Variants in CDKL5 observed in about 807,000 individuals in gnomAD.
The protein encoded by CDKL5 is cyclin-dependent kinase-like 5.
A neutral mutation model predicts 61.7 loss-of-function variants in CDKL5; 8 were observed. The observed-to-expected ratio is 0.13, with a 90% CI of 0.08 to 0.23. The LOEUF is 0.23. CDKL5 is among the 10% of genes least tolerant of loss of function. The pLI, the probability that CDKL5 is intolerant of heterozygous loss-of-function variation, is 1.00. For missense variants in CDKL5, 440 were observed against 734.5 expected, an observed-to-expected ratio of 0.60 and a Z score of 4.63; for synonymous variants, 275 against 272.3, an observed-to-expected ratio of 1.01 and a Z score of -0.10.
intron 1 of CDKL5, among the ~76,000 whole-genome samples, chrX:18,497,653 C>T (rs944258612): frequency 2.7e-5 from 3 of 111,288 alleles, no homozygotes; most frequent in Admixed American, 9.6e-5. Flanking sequence ...AATATAACAA[C>T]GTAGAAATAC....
At chrX:18,608,326 A>G (rs1339662009) in intron 12 of CDKL5, among the ~76,000 whole-genome samples, 2 of 112,135 alleles carry the variant, frequency 1.8e-5, no homozygotes, top group Non-Finnish European at 3.8e-5. Context: ...TATTAAAAGG[A>G]CTTACTCTAT....
At chrX:18,431,760 A>G (rs1298374484) in intron 1 of CDKL5, among the ~76,000 whole-genome samples, 1 of 110,338 alleles carries the variant, frequency 9.1e-6, no homozygotes. Flanking sequence ...CATAAAACTC[A>G]CCTTTTTAGT....
chrX:18,625,165 A>T lies in CDKL5; in HGVS notation c.2414A>T (p.Gln805Leu). Residue 805 changes from glutamine to leucine, a missense_variant, in exon 17 of 18, where the codon CAG (glutamine) becomes CTG (leucine). This residue lies in a region of CDKL5 where 363 missense variants were observed against 516.3 expected (regional missense o/e 0.70). Coordinates refer to ENST00000623535, the MANE Select transcript of CDKL5 (RefSeq NM_001323289.2). The part of the protein sequence containing the change: ...NSDSPDLLTL[Q>L]KSIHSASTPS... ...GACAGCCCTGATCTTCTGACGTTGC[A>T]GAAATCCATTCATTCTGCTAGCACT... 3.3e-6 allele frequency: 4 copies of T among 1,207,948 alleles called. No homozygotes were observed. The highest frequency in any genetic ancestry group is 4.5e-6 in the Non-Finnish European group (4 of 893,276).
At chrX:18,623,743 C>T (rs1021895752) in intron 16 of CDKL5, 3 of 183,370 alleles carry the variant, frequency 1.6e-5, no homozygotes, top group Non-Finnish European at 2.5e-5. Flanking sequence ...GGCACAGAAG[C>T]TCTAGATGCA....
At position 18,581,953 on chromosome X, in the gene CDKL5, A is replaced by G. The variant is rs1304107694; in HGVS notation, c.463+3A>G. ...TGTCCTAAAACTGTGTGACTTTGGT[A>G]AGTTAAAAAGAAATTAAGTCCTGGT... On this transcript the variant is annotated splice_donor_region_variant and intron_variant, in intron 7 of 17. Coordinates refer to ENST00000623535, the MANE Select transcript of CDKL5 (RefSeq NM_001323289.2). 8.6e-7 allele frequency: 1 copy of G among 1,164,462 alleles called. No individual in the cohort carries two copies. Among genetic ancestry groups the G allele is most frequent in the Non-Finnish European group, 1.2e-6 (1 of 853,479 alleles).
At chrX:18,431,763 T>C (rs1381300202) in intron 1 of CDKL5, among the ~76,000 whole-genome samples, 1 of 111,354 alleles carries the variant, frequency 9.0e-6, no homozygotes, top group Non-Finnish European at 1.9e-5. Flanking sequence ...AAAACTCACC[T>C]TTTTAGTGTA....
At chrX:18,568,051 G>C (rs1404671793) in intron 4 of CDKL5, among the ~76,000 whole-genome samples, 1 of 111,885 alleles carries the variant, frequency 8.9e-6, no homozygotes, top group African/African-American at 3.3e-5. Context: ...ATTGAATACT[G>C]TAGTGAAAGT....
chrX:18,470,378 GAAA>G (rs1156261679), intron 1 of CDKL5, among the ~76,000 whole-genome samples: 6 of 48,433 alleles, frequency 1.2e-4, no homozygotes, highest in African/African-American at 5.2e-4. Context: ...AAGAAGAAAA[GAAA>G]AAAAAAAAAA....
intron 1 of CDKL5, among the ~76,000 whole-genome samples, chrX:18,499,902 C>T (rs1322558661): frequency 8.9e-6 from 1 of 111,932 alleles, no homozygotes; most frequent in Non-Finnish European, 1.9e-5. Flanking sequence ...TGCCATCTTC[C>T]CTCAGAGCGT....
At chrX:18,503,920 T>G (rs1231657147) in intron 1 of CDKL5, among the ~76,000 whole-genome samples, 1 of 110,699 alleles carries the variant, frequency 9.0e-6, no homozygotes, top group Admixed American at 9.6e-5. Context: ...TTTTTGTAGT[T>G]TTTCTAGAGA....
intron 3 of CDKL5, among the ~76,000 whole-genome samples, chrX:18,560,821 T>A (rs939410431): frequency 3.6e-5 from 4 of 110,689 alleles, no homozygotes; most frequent in African/African-American, 6.6e-5. Context: ...ATATTCCAAA[T>A]AATTTAAAAT....
rs181043134 is a variant in CDKL5, at chrX:18,632,469, C to T, written c.*3712C>T. 2.5e-5 allele frequency: 19 copies of T among 752,416 alleles called. No individual in the cohort carries two copies. Among genetic ancestry groups the T allele is most frequent in the East Asian group, 1.5e-4 (1 of 6,589 alleles). The allele number at this position is 752,416 out of a possible 1,213,427, so 62.0% of individuals were successfully genotyped here. Reference sequence around the variant, plus strand: ...ATCCGTGGCTTTCAGCTGTGTCTCCCGAAAGAAAATGTCTTTGTTTTTTAT... The same window carrying T: ...ATCCGTGGCTTTCAGCTGTGTCTCCTGAAAGAAAATGTCTTTGTTTTTTAT... On this transcript the variant is annotated 3_prime_UTR_variant, in exon 18 of 18. Transcript: ENST00000623535.
At chrX:18,533,181 C>T (rs1392880262) in intron 3 of CDKL5, among the ~76,000 whole-genome samples, 8 of 111,603 alleles carry the variant, frequency 7.2e-5, no homozygotes, top group African/African-American at 2.6e-4. Context: ...TTAATTTTTG[C>T]TGTGTAATAA....
intron 20 of CDKL5, chrX:18,650,271 G>T: frequency 1.8e-6 from 1 of 566,039 alleles, no homozygotes. Flanking sequence ...AGACCCGTGT[G>T]TCCAGACGTG....
chrX:18,489,404 T>A (rs1040287289), intron 1 of CDKL5, among the ~76,000 whole-genome samples: 14 of 110,210 alleles, frequency 1.3e-4, no homozygotes, highest in African/African-American at 4.3e-4. Context: ...CAAGTGATCC[T>A]CCCGCCTCAG....
intron 1 of CDKL5, among the ~76,000 whole-genome samples, chrX:18,449,479 C>T (rs1931957860): frequency 9.0e-6 from 1 of 110,909 alleles, no homozygotes; most frequent in Non-Finnish European, 1.9e-5. Flanking sequence ...AGATACTGGC[C>T]TTATATCCTG....
Position 18,604,393 on chromosome X carries a change from G to A in CDKL5, c.1469G>A (p.Gly490Glu). 8.3e-7 allele frequency: 1 copy of A among 1,210,582 alleles called. No homozygotes were observed. Among genetic ancestry groups the A allele is most frequent in the Non-Finnish European group, 1.1e-6 (1 of 894,703 alleles). The change falls in exon 12 of 18, where the codon GGG (glycine) becomes GAG (glutamate). Residue 490 changes from glycine to glutamate, a missense_variant. Coordinates refer to ENST00000623535, the MANE Select transcript of CDKL5 (RefSeq NM_001323289.2). Reference sequence around the variant, plus strand: ...TACAGGACCAAGGCCAAAAGCCATGGGGCACTGAGTGACTCCAAGTCTGTG... The same window carrying A: ...TACAGGACCAAGGCCAAAAGCCATGAGGCACTGAGTGACTCCAAGTCTGTG... The part of the protein sequence containing the change: ...PSYRTKAKSH[G>E]ALSDSKSVSN...
At chrX:18,581,266 TTTTCTGTGAA>T (rs1329021247) in intron 6 of CDKL5, among the ~76,000 whole-genome samples, 11 of 111,884 alleles carry the variant, frequency 9.8e-5, no homozygotes, top group Non-Finnish European at 1.9e-4. Flanking sequence ...TTCAACTGCA[TTTTCTGTGAA>T]TTTCTACTTA....
intron 3 of CDKL5, among the ~76,000 whole-genome samples, chrX:18,530,271 GGT>G (rs1294974508): frequency 4.0e-4 from 43 of 106,450 alleles, no homozygotes; most frequent in African/African-American, 1.3e-3. Flanking sequence ...AGGCGACAGA[GGT>G]TGCAGTGAGC....
Sources: allele counts gnomAD v4.1 joint callset (sites outside exome capture counted in the v4.1 genomes callset), GRCh38; gene constraint gnomAD v4.1.1; regional missense constraint gnomAD v4.1.1; transcripts MANE v1.5; gene names NCBI Gene and HGNC (gene_info 2026-07-23, HGNC 2026-07-21).